Variants in IMMP1L observed in about 807,000 individuals in gnomAD.
IMMP1L encodes the protein mitochondrial inner membrane protease subunit 1.
A neutral mutation model predicts 21.8 loss-of-function variants in IMMP1L; 24 were observed. The observed-to-expected ratio is 1.10, with a 90% CI of 0.80 to 1.55. The LOEUF (loss-of-function observed/expected upper bound fraction) is 1.55. Among genes scored for constraint, IMMP1L ranks in the 40% most tolerant of loss-of-function variants. IMMP1L has a pLI of 0.00. For missense variants in IMMP1L, 195 were observed against 200.7 expected (o/e 0.97, Z 0.17); for synonymous variants, 46 against 62.8 (o/e 0.73, Z 1.26).
chr11:31,465,778 T>C (rs970361165), intron 1 of IMMP1L, among the ~76,000 whole-genome samples: 3 of 152,056 alleles, frequency 2.0e-5, no homozygotes, highest in Non-Finnish European at 4.4e-5. Context: ...TCTCTAACCA[T>C]ATATAAAAAT....
chr11:31,472,094 C>A (rs1041500895), intron 1 of IMMP1L, among the ~76,000 whole-genome samples: 3 of 152,092 alleles, frequency 2.0e-5, no homozygotes, highest in Admixed American at 2.0e-4. Flanking sequence ...TTTAAGGACC[C>A]TGGTGATTAC....
intron 3 of IMMP1L, among the ~76,000 whole-genome samples, chr11:31,456,949 A>AAAAAAAG (rs1478266519): frequency 1.3e-4 from 2 of 14,836 alleles, no homozygotes; most frequent in African/African-American, 5.3e-4. Flanking sequence ...CAAGTGAACC[A>AAAAAAAG]AAAAAAGAAA....
intron 4 of IMMP1L, chr11:31,448,912 G>A: frequency 1.0e-6 from 1 of 982,288 alleles, no homozygotes. Flanking sequence ...CTTCAGAATT[G>A]TGTTAGCTAT....
At chr11:31,496,958 A>T (rs117758824) in intron 1 of IMMP1L, among the ~76,000 whole-genome samples, 8,499 of 146,120 alleles carry the variant, frequency 0.058, 361 homozygotes, top group Non-Finnish European at 0.089. Context: ...TACGTATATC[A>T]TATATATCAT....
intron 1 of IMMP1L, chr11:31,477,230 AT>A (rs1954757398): frequency 6.6e-6 from 1 of 152,186 alleles, no homozygotes; most frequent in Non-Finnish European, 1.5e-5. Flanking sequence ...AGACATTTTG[AT>A]TAATTTCATA....
chr11:31,480,329 TC>T (rs1228011121), intron 1 of IMMP1L, among the ~76,000 whole-genome samples: 4 of 152,206 alleles, frequency 2.6e-5, no homozygotes, highest in Non-Finnish European at 5.9e-5. Flanking sequence ...TTTCTATTAG[TC>T]TTTTGATCAT....
intron 1 of IMMP1L, among the ~76,000 whole-genome samples, chr11:31,506,971 AAAAC>A (rs920490462): frequency 3.9e-4 from 59 of 150,934 alleles, no homozygotes; most frequent in Admixed American, 2.6e-3. Flanking sequence ...AAGAAAACAA[AAAAC>A]AAACAAACAA....
intron 3 of IMMP1L, 98 bp from the exon 4 acceptor site, chr11:31,456,484 G>A: frequency 7.5e-6 from 7 of 936,152 alleles, no homozygotes; most frequent in African/African-American, 1.6e-5. Flanking sequence ...CTTAAACAAA[G>A]CCATAACCTT....
intron 4 of IMMP1L, among the ~76,000 whole-genome samples, chr11:31,446,887 T>C (rs1953543753): frequency 6.6e-6 from 1 of 152,186 alleles, no homozygotes; most frequent in Admixed American, 6.5e-5. Flanking sequence ...AGTTACACTG[T>C]CCAATATGGC....
chr11:31,433,625 ATAAT>A, intron 4 of IMMP1L, 55 bp from the exon 5 acceptor site: 1 of 1,080,022 alleles, frequency 9.3e-7, no homozygotes, highest in East Asian at 2.4e-5. Context: ...TTTGGGTACT[ATAAT>A]TAAAAAGCAT....
rs1396734372 is a variant in IMMP1L at position 31,476,405 on chromosome 11, T to C, written c.-29-13100A>G. The stretch of plus-strand genomic sequence containing the variant: ...GAACTCTGTATAAATTTATTATATT[T>C]GCTGACTTTTCTAGTAAAGACTTTA... On this transcript the variant is annotated intron_variant, in intron 1 of 5. Coordinates refer to ENST00000532287, the MANE Select transcript of IMMP1L (RefSeq NM_001304274.2). Among the ~76,000 whole-genome samples the C allele has an allele frequency of 2.0e-5, 3 of 152,064 alleles. No individual in the cohort carries two copies. The East Asian group carries it at 5.8e-4, about 29-fold the overall frequency.
At chr11:31,507,254 C>G (rs1368528265) in intron 1 of IMMP1L, among the ~76,000 whole-genome samples, 1 of 151,280 alleles carries the variant, frequency 6.6e-6, no homozygotes, top group Non-Finnish European at 1.5e-5. Flanking sequence ...CACTCCAGCC[C>G]GGGGAACACA....
chr11:31,503,401 T>C (rs1440858780), intron 1 of IMMP1L, among the ~76,000 whole-genome samples: 1 of 151,654 alleles, frequency 6.6e-6, no homozygotes, highest in African/African-American at 2.4e-5. Context: ...AAATGATAAA[T>C]AAATAGTAAT....
chr11:31,448,950 A>C (rs920103184), intron 4 of IMMP1L: 2 of 985,342 alleles, frequency 2.0e-6, no homozygotes, highest in African/African-American at 3.5e-5. Flanking sequence ...TCACCTCCGC[A>C]GTGAACTTCA....
At chr11:31,500,314 C>T (rs1955577799) in intron 1 of IMMP1L, among the ~76,000 whole-genome samples, 1 of 151,788 alleles carries the variant, frequency 6.6e-6, no homozygotes, top group Non-Finnish European at 1.5e-5. Context: ...AAAGAAGGTC[C>T]ATAATGAAAA....
intron 4 of IMMP1L, among the ~76,000 whole-genome samples, chr11:31,440,375 A>C (rs1953280657): frequency 6.6e-6 from 1 of 152,130 alleles, no homozygotes; most frequent in Admixed American, 6.6e-5. Context: ...CAGATGTTCA[A>C]ATTACATAAT....
chr11:31,467,283 T>G (rs1174824400), intron 1 of IMMP1L, among the ~76,000 whole-genome samples: 1 of 152,146 alleles, frequency 6.6e-6, no homozygotes, highest in Non-Finnish European at 1.5e-5. Context: ...TATAAAAAAA[T>G]GTCATCCTAG....
At chr11:31,506,790 T>A (rs1230407682) in intron 1 of IMMP1L, among the ~76,000 whole-genome samples, 1 of 150,760 alleles carries the variant, frequency 6.6e-6, no homozygotes, top group Non-Finnish European at 1.5e-5. Context: ...TGAAAGCCTG[T>A]CTCTACTCAA....
At chr11:31,460,179 A>T (rs1221492702) in intron 3 of IMMP1L, among the ~76,000 whole-genome samples, 4 of 152,106 alleles carry the variant, frequency 2.6e-5, no homozygotes, top group African/African-American at 9.7e-5. Context: ...CAGAAAATTT[A>T]AAAAAATAAA....
Sources: allele counts gnomAD v4.1 joint callset (sites outside exome capture counted in the v4.1 genomes callset), GRCh38; gene constraint gnomAD v4.1.1; transcripts MANE v1.5; gene names NCBI Gene and HGNC (gene_info 2026-07-23, HGNC 2026-07-21).